The following ITGBL1 variants were observed in gnomAD, a reference collection of about 807,000 sequenced individuals.
The protein encoded by ITGBL1 is integrin subunit beta like 1, also known as integrin beta-like protein 1.
In ITGBL1, 51 loss-of-function variants were observed where a neutral mutation model predicts 68.5. That is an observed-to-expected ratio of 0.74 (90% CI 0.59 to 0.94). ITGBL1 has a LOEUF of 0.94. Among genes scored for constraint, ITGBL1 ranks in the 40% least tolerant of loss-of-function variants. The pLI is 0.00. For synonymous variants in ITGBL1, 209 were observed against 227.3 expected (o/e 0.92, Z 0.72); for missense variants, 649 against 647.4 (o/e 1.00, Z -0.03).
chr13:101,517,752 A>G (rs1447356265), intron 2 of ITGBL1, among the ~76,000 whole-genome samples: 3 of 152,190 alleles, frequency 2.0e-5, no homozygotes, highest in African/African-American at 7.2e-5. Context: ...TGGCCAATTC[A>G]GGGTTCTTCC....
intron 2 of ITGBL1, among the ~76,000 whole-genome samples, chr13:101,552,715 A>G (rs1310782863): frequency 6.6e-6 from 1 of 152,220 alleles, no homozygotes; most frequent in Non-Finnish European, 1.5e-5. Flanking sequence ...AACTCAAAAT[A>G]TAAATGTTTG....
chr13:101,558,316 G>A (rs2050043543), intron 2 of ITGBL1, among the ~76,000 whole-genome samples: 1 of 152,010 alleles, frequency 6.6e-6, no homozygotes, highest in Non-Finnish European at 1.5e-5. Flanking sequence ...CTCCAGAAAC[G>A]GGGAGGGAGG....
intron 7 of ITGBL1, among the ~76,000 whole-genome samples, chr13:101,645,686 CTGAATACGGGCTCTAAGAAG>C (rs931235253): frequency 6.6e-6 from 1 of 152,062 alleles, no homozygotes; most frequent in African/African-American, 2.4e-5. Context: ...GACAGGGAAT[CTGAATACGGGCTCTAAGAAG>C]TGAAGATGAA....
intron 7 of ITGBL1, among the ~76,000 whole-genome samples, chr13:101,678,502 C>CA (rs1555366020): frequency 1.4e-5 from 2 of 143,244 alleles, no homozygotes; most frequent in Non-Finnish European, 3.0e-5. Flanking sequence ...TTCACTGAGA[C>CA]TTTTTTTTTT....
chr13:101,629,317 A>G (rs2031899098), intron 7 of ITGBL1, among the ~76,000 whole-genome samples: 1 of 152,154 alleles, frequency 6.6e-6, no homozygotes, highest in African/African-American at 2.4e-5. Context: ...CATAATTGAC[A>G]TATTTGATTT....
chr13:101,652,628 G>A (rs749657404), intron 7 of ITGBL1, among the ~76,000 whole-genome samples: 2 of 152,180 alleles, frequency 1.3e-5, no homozygotes, highest in African/African-American at 2.4e-5. Flanking sequence ...CAATGAAGGT[G>A]TCAGTGAATA....
At chr13:101,526,809 T>G (rs1312207355) in intron 2 of ITGBL1, among the ~76,000 whole-genome samples, 2 of 152,116 alleles carry the variant, frequency 1.3e-5, no homozygotes, top group African/African-American at 2.4e-5. Context: ...ATTATCTGCT[T>G]ATAATTTTTT....
intron 6 of ITGBL1, among the ~76,000 whole-genome samples, chr13:101,588,693 TAAA>T (rs3063720): frequency 0.016 from 2,347 of 147,676 alleles, 51 homozygotes; most frequent in African/African-American, 0.047. Flanking sequence ...ATTTGTCTAT[TAAA>T]AAAAAAAAAA....
intron 2 of ITGBL1, among the ~76,000 whole-genome samples, chr13:101,518,283 T>C (rs1286159299): frequency 6.6e-6 from 1 of 152,194 alleles, no homozygotes; most frequent in Non-Finnish European, 1.5e-5. Context: ...AATAATTTGA[T>C]TAAAAATAAT....
intron 2 of ITGBL1, among the ~76,000 whole-genome samples, chr13:101,472,003 T>A (rs1594830052): frequency 9.5e-6 from 1 of 105,022 alleles, no homozygotes; most frequent in African/African-American, 3.3e-5. Context: ...ATTTTAAGTA[T>A]AACCATATTA....
intron 2 of ITGBL1, among the ~76,000 whole-genome samples, chr13:101,542,955 A>T (rs375151501): frequency 1.3e-5 from 2 of 152,094 alleles, no homozygotes; most frequent in East Asian, 3.9e-4. Flanking sequence ...GTGTGTCTCT[A>T]CACGTGAGAT....
At chr13:101,550,336 C>CAGG (rs2049900428) in intron 2 of ITGBL1, among the ~76,000 whole-genome samples, 1 of 152,118 alleles carries the variant, frequency 6.6e-6, no homozygotes, top group Non-Finnish European at 1.5e-5. Flanking sequence ...GGGCAAAGGT[C>CAGG]AGGAATACTT....
At chr13:101,641,201 A>G (rs893614480) in intron 7 of ITGBL1, among the ~76,000 whole-genome samples, 1 of 152,190 alleles carries the variant, frequency 6.6e-6, no homozygotes, top group African/African-American at 2.4e-5. Context: ...GATTAGCAGC[A>G]GAGTGTCAAT....
chr13:101,563,649 T>C (rs1437941353), intron 2 of ITGBL1, among the ~76,000 whole-genome samples: 1 of 151,894 alleles, frequency 6.6e-6, no homozygotes, highest in African/African-American at 2.4e-5. Flanking sequence ...AAGTGAATCA[T>C]AGTTAAACAT....
intron 2 of ITGBL1, among the ~76,000 whole-genome samples, chr13:101,564,004 A>T: frequency 6.6e-6 from 1 of 151,934 alleles, no homozygotes; most frequent in Non-Finnish European, 1.5e-5. Context: ...GTACAACATT[A>T]AAAAATCAAC....
intron 7 of ITGBL1, among the ~76,000 whole-genome samples, chr13:101,657,195 A>G (rs992247258): frequency 5.3e-5 from 8 of 152,168 alleles, no homozygotes; most frequent in Admixed American, 1.3e-4. Context: ...TGCTACATGT[A>G]TTGTATTAAA....
At chr13:101,586,618 T>C (rs1011482706) in intron 6 of ITGBL1, among the ~76,000 whole-genome samples, 2 of 152,246 alleles carry the variant, frequency 1.3e-5, no homozygotes, top group Non-Finnish European at 2.9e-5. Context: ...AAAAGTGTCA[T>C]CTGAAAACAC....
chr13:101,511,634 G>A (rs149477662), intron 2 of ITGBL1, among the ~76,000 whole-genome samples: 1,658 of 152,128 alleles, frequency 0.011, 59 homozygotes, highest in Admixed American at 0.069. Context: ...AGAGACTCTC[G>A]CCCTCCTTTC....
At chr13:101,583,459 G>A (rs1236681964) in intron 6 of ITGBL1, 103 bp downstream of exon 6, 1 of 916,282 alleles carries the variant, frequency 1.1e-6, no homozygotes, top group East Asian at 2.7e-5. Context: ...AAGACATACT[G>A]TTGGATAGCA....
Sources: allele counts gnomAD v4.1 joint callset (sites outside exome capture counted in the v4.1 genomes callset), GRCh38; gene constraint gnomAD v4.1.1; transcripts MANE v1.5; gene names NCBI Gene and HGNC (gene_info 2026-07-23, HGNC 2026-07-21).